Variants in INPP5A observed in about 807,000 individuals in gnomAD.
The protein encoded by INPP5A is inositol polyphosphate-5-phosphatase A, also known as 43 kDa inositol polyphosphate 5-phophatase.
Under a neutral mutation model 65.2 loss-of-function variants are expected in INPP5A, and 14 were observed. The observed-to-expected ratio is 0.21, with a 90% confidence interval of 0.14 to 0.34. The LOEUF is 0.34. Among genes scored for constraint, INPP5A ranks in the 10% least tolerant of loss-of-function variants. The pLI is 1.00. For missense variants in INPP5A, 431 were observed against 545.6 expected (o/e 0.79, Z 2.09); for synonymous variants, 207 against 208.3 (o/e 0.99, Z 0.05).
Position 132,563,986 on chromosome 10 carries a change from C to T in INPP5A, c.75+25815C>T, listed in dbSNP as rs146045154. Among the ~76,000 whole-genome samples the T allele has an allele frequency of 5.3e-3, 803 of 152,192 alleles. 5 individuals are homozygous for T. The highest frequency in any genetic ancestry group is 0.018 in the African/African-American group (762 of 41,502). ...TGGTTCATACCTGAACCGAGAGGCCCGGCCGCGGCTGTGGTCTGCAAACTC... is the reference window on the plus strand; with the variant it reads ...TGGTTCATACCTGAACCGAGAGGCCTGGCCGCGGCTGTGGTCTGCAAACTC... On this transcript the variant is annotated intron_variant, in intron 1 of 15. Coordinates refer to ENST00000368594, the MANE Select transcript of INPP5A (RefSeq NM_005539.5).
intron 4 of INPP5A, among the ~76,000 whole-genome samples, chr10:132,658,952 CT>C (rs552228394): frequency 3.1e-4 from 47 of 152,258 alleles, no homozygotes; most frequent in African/African-American, 1.1e-3. Flanking sequence ...TCTGCGCTTC[CT>C]CGTGGGTGCT....
intron 14 of INPP5A, 114 bp from the exon 15 acceptor site, chr10:132,781,747 G>A (rs770778208): frequency 5.5e-5 from 47 of 856,426 alleles, no homozygotes; most frequent in Non-Finnish European, 6.8e-5. Flanking sequence ...CTCCCAGCCC[G>A]GTTCATGGCT....
chr10:132,613,702 A>C (rs191136613), intron 2 of INPP5A, among the ~76,000 whole-genome samples: 1 of 152,184 alleles, frequency 6.6e-6, no homozygotes, highest in South Asian at 2.1e-4. Flanking sequence ...TTAGGCTATC[A>C]GCCAGTTCAG....
Position 132,686,270 on chromosome 10 carries a change from C to G in INPP5A, c.307-4122C>G, listed in dbSNP as rs1048258198. Among the ~76,000 whole-genome samples the G allele has an allele frequency of 2.0e-5, 3 of 152,246 alleles. No homozygotes were observed. In the East Asian group the frequency reaches 5.8e-4, roughly 29 times the overall value. On this transcript the variant is annotated intron_variant, in intron 4 of 15. Coordinates refer to ENST00000368594, the MANE Select transcript of INPP5A (RefSeq NM_005539.5). ...CTCCGGGGGCTGGAGGACTCCTGCC[C>G]GTGTCTGCAGTCCTCGCAGAAGCAT...
At chr10:132,568,046 C>T (rs113228575) in intron 1 of INPP5A, among the ~76,000 whole-genome samples, 7,649 of 152,006 alleles carry the variant, frequency 0.05, 277 homozygotes, top group Middle Eastern at 0.11. Context: ...CAAAAATTAG[C>T]TGGGTGTGGT....
At chr10:132,667,095 C>G (rs1459454078) in intron 4 of INPP5A, among the ~76,000 whole-genome samples, 1 of 152,208 alleles carries the variant, frequency 6.6e-6, no homozygotes, top group Non-Finnish European at 1.5e-5. Context: ...TCATCTGAGG[C>G]TGGCTGAGTT....
At chr10:132,726,506 T>C (rs1211628222) in intron 8 of INPP5A, among the ~76,000 whole-genome samples, 2 of 152,224 alleles carry the variant, frequency 1.3e-5, no homozygotes, top group African/African-American at 2.4e-5. Context: ...TGGTTTTCCA[T>C]GCGTGAGGCT....
intron 1 of INPP5A, among the ~76,000 whole-genome samples, chr10:132,601,068 A>G (rs1270494539): frequency 6.6e-6 from 1 of 152,230 alleles, no homozygotes; most frequent in Non-Finnish European, 1.5e-5. Flanking sequence ...ATTTTTCTTC[A>G]TAGCGATGGC....
intron 1 of INPP5A, among the ~76,000 whole-genome samples, chr10:132,559,900 A>G (rs2071179771): frequency 6.6e-6 from 1 of 152,250 alleles, no homozygotes; most frequent in South Asian, 2.1e-4. Flanking sequence ...CAGTGGATGG[A>G]CATGAGTGTC....
At chr10:132,766,121 T>A (rs546829078) in intron 12 of INPP5A, among the ~76,000 whole-genome samples, 26 of 150,574 alleles carry the variant, frequency 1.7e-4, no homozygotes, top group Non-Finnish European at 3.1e-4. Context: ...TGTGTGCACC[T>A]GTGCATCTGT....
chr10:132,702,394 C>A (rs1190952464), intron 6 of INPP5A, among the ~76,000 whole-genome samples: 2 of 152,114 alleles, frequency 1.3e-5, no homozygotes, highest in Non-Finnish European at 2.9e-5. Context: ...ATTTAAAAAA[C>A]CAAGATGTAC....
chr10:132,624,686 C>T (rs2072157200), intron 2 of INPP5A, among the ~76,000 whole-genome samples: 1 of 152,222 alleles, frequency 6.6e-6, no homozygotes, highest in Non-Finnish European at 1.5e-5. Flanking sequence ...TCAGGACTCC[C>T]CACCTTTCTG....
At chr10:132,738,463 G>A (rs760691983) in intron 9 of INPP5A, among the ~76,000 whole-genome samples, 15 of 152,366 alleles carry the variant, frequency 9.8e-5, no homozygotes, top group Non-Finnish European at 2.1e-4. Flanking sequence ...GGGGATGTCC[G>A]GGAGGAGCCA....
At chr10:132,569,104 C>T (rs924104491) in intron 1 of INPP5A, among the ~76,000 whole-genome samples, 2 of 151,734 alleles carry the variant, frequency 1.3e-5, no homozygotes, top group Non-Finnish European at 2.9e-5. Flanking sequence ...TTAGTAGAGA[C>T]AGGGTTTCTC....
At chr10:132,581,906 C>T (rs964302594) in intron 1 of INPP5A, among the ~76,000 whole-genome samples, 8 of 151,894 alleles carry the variant, frequency 5.3e-5, no homozygotes, top group Admixed American at 1.3e-4. Context: ...GGCGCGATCT[C>T]GGCTCACTGC....
At chr10:132,742,068 G>A (rs1846282515) in intron 9 of INPP5A, among the ~76,000 whole-genome samples, 1 of 152,228 alleles carries the variant, frequency 6.6e-6, no homozygotes, top group African/African-American at 2.4e-5. Context: ...GGGTCCTACA[G>A]CCCTGAGGGG....
chr10:132,682,191 G>T (rs1236728196), intron 4 of INPP5A, among the ~76,000 whole-genome samples: 1 of 151,700 alleles, frequency 6.6e-6, no homozygotes, highest in Admixed American at 6.6e-5. Flanking sequence ...AGATGGGAAG[G>T]TGGACAGCGT....
At chr10:132,646,578 G>C (rs2072497469) in intron 3 of INPP5A, among the ~76,000 whole-genome samples, 1 of 152,208 alleles carries the variant, frequency 6.6e-6, no homozygotes, top group East Asian at 1.9e-4. Flanking sequence ...AGTGGCTGCT[G>C]TATTTTCCCG....
At chr10:132,558,012 T>C (rs897097133) in intron 1 of INPP5A, among the ~76,000 whole-genome samples, 2 of 152,196 alleles carry the variant, frequency 1.3e-5, no homozygotes, top group Non-Finnish European at 2.9e-5. Context: ...TCATTTTCAC[T>C]GTTGAAAGTG....
Sources: gnomAD v4.1 joint callset for allele counts (sites outside exome capture counted in the v4.1 genomes callset) on GRCh38, gnomAD v4.1.1 for gene constraint, MANE v1.5 for transcripts, NCBI Gene and HGNC (gene_info 2026-07-23, HGNC 2026-07-21) for gene names.